GASK1A: variants seen among roughly 807,000 people sequenced by gnomAD.
GASK1A encodes the protein golgi associated kinase 1A, also known as Golgi-associated kinase 1A.
A neutral mutation model predicts 41.2 loss-of-function variants in GASK1A; 40 were observed. The observed-to-expected ratio is 0.97, with a 90% CI of 0.75 to 1.27. The LOEUF (loss-of-function observed/expected upper bound fraction) is 1.27, where lower values mean the gene tolerates loss of function less well. Ranked by LOEUF, GASK1A falls within the 50% of genes most tolerant of loss-of-function variation. The probability of loss-of-function intolerance (pLI) is 0.00; values close to 1 mark genes in which losing one functional copy is unlikely to be tolerated. For missense variants in GASK1A, 678 were observed against 745.1 expected (o/e 0.91, Z 1.05); for synonymous variants, 316 against 307.1 (o/e 1.03, Z -0.30).
intron 2 of GASK1A, among the ~76,000 whole-genome samples, chr3:43,044,357 T>TG (rs1302171955): frequency 6.6e-6 from 1 of 152,186 alleles, no homozygotes; most frequent in Non-Finnish European, 1.5e-5. Flanking sequence ...TGTCAGACTC[T>TG]GGTTCTCAGG....
Position 43,037,985 on chromosome 3 carries a change from TA to T in GASK1A, c.1290+4440del, listed in dbSNP as rs35232151. Among the ~76,000 whole-genome samples the T allele has an allele frequency of 3.3e-5, 5 of 152,148 alleles. No homozygotes were observed. In the South Asian group the frequency reaches 6.2e-4, roughly 19 times the overall value. On this transcript the variant is annotated intron_variant, in intron 2 of 4. Coordinates refer to ENST00000430121, the MANE Select transcript of GASK1A (RefSeq NM_001129908.3). Reference sequence around the variant, plus strand: ...CACTGTTGATGTGGTTCTTTTGTGTTAAAAAAAAGTGCAACTATCAAAACTA... The same window carrying T: ...CACTGTTGATGTGGTTCTTTTGTGTTAAAAAAAGTGCAACTATCAAAACTA...
intron 2 of GASK1A, among the ~76,000 whole-genome samples, chr3:43,044,566 G>A (rs1294365399): frequency 6.6e-6 from 1 of 152,182 alleles, no homozygotes; most frequent in African/African-American, 2.4e-5. Context: ...GGCACAGCAA[G>A]ATTAGTAATT....
At chr3:42,991,366 A>G (rs780558020) in intron 1 of GASK1A, among the ~76,000 whole-genome samples, 3 of 152,156 alleles carry the variant, frequency 2.0e-5, no homozygotes, top group Non-Finnish European at 2.9e-5. Flanking sequence ...TCACGCAGAT[A>G]TACACACACA....
chr3:43,052,950 G>A (rs2089698113), intron 2 of GASK1A, among the ~76,000 whole-genome samples: 1 of 152,198 alleles, frequency 6.6e-6, no homozygotes, highest in Non-Finnish European at 1.5e-5. Context: ...AATGCTGTGG[G>A]TGTCATCTGT....
At position 43,053,644 on chromosome 3, in the gene GASK1A, G is replaced by A. The variant is rs1346376533; in HGVS notation, c.1413+1G>A. The stretch of plus-strand genomic sequence containing the variant: ...CGAGCTGCGGCTGGTCCACATCCTG[G>A]TACGTCTCCTCCACACCATCCCCTT... On this transcript the variant is annotated splice_donor_variant, in intron 3 of 4. Coordinates refer to ENST00000430121, the MANE Select transcript of GASK1A (RefSeq NM_001129908.3). LOFTEE classifies it high-confidence loss of function. 6 of 1,551,552 alleles carry A rather than the reference G, an allele frequency of 3.9e-6. No individual in the cohort carries two copies. The Admixed American group carries it at 1.2e-4, about 30-fold the overall frequency.
In GASK1A at chr3:43,033,415, T is replaced by C; in HGVS notation, c.1152T>C (p.Asp384=). 6.4e-7 allele frequency: 1 copy of C among 1,551,582 alleles called. No individual in the cohort carries two copies. Among genetic ancestry groups the C allele is most frequent in the Non-Finnish European group, 8.7e-7 (1 of 1,147,004 alleles). ...AGCACCTGAGCGACCCAGATGAGGA[T>C]CAGAACTCTCTGGCCTTGGGCTGGC... The part of the protein sequence containing the change: ...DVQHLSDPDE[D]QNSLALGWLQ... Residue 384 remains aspartate, a synonymous_variant, in exon 2 of 5, where the codon GAT becomes GAC. Transcript: ENST00000430121.
At chr3:42,996,534 G>C (rs760316199) in intron 1 of GASK1A, among the ~76,000 whole-genome samples, 5 of 152,178 alleles carry the variant, frequency 3.3e-5, no homozygotes, top group Non-Finnish European at 7.3e-5. Context: ...GGAGGTACTA[G>C]GTACTATTAT....
At chr3:43,002,373 GA>G (rs2089413899) in intron 1 of GASK1A, among the ~76,000 whole-genome samples, 1 of 152,182 alleles carries the variant, frequency 6.6e-6, no homozygotes, top group South Asian at 2.1e-4. Context: ...GCTGTATTCA[GA>G]ATCTGATCTC....
At chr3:43,037,117 C>T (rs2089608554) in intron 2 of GASK1A, 3 of 789,870 alleles carry the variant, frequency 3.8e-6, no homozygotes, top group Non-Finnish European at 6.2e-6. Flanking sequence ...AAAGTCAGTA[C>T]CTCAAACCAG....
chr3:43,000,466 G>T (rs2089403087), intron 1 of GASK1A, among the ~76,000 whole-genome samples: 1 of 152,198 alleles, frequency 6.6e-6, no homozygotes, highest in African/African-American at 2.4e-5. Flanking sequence ...CTCCAGGCTT[G>T]GCCCTTGATG....
At chr3:43,011,245 G>A (rs550036267) in intron 1 of GASK1A, among the ~76,000 whole-genome samples, 24 of 152,162 alleles carry the variant, frequency 1.6e-4, no homozygotes, top group African/African-American at 5.5e-4. Flanking sequence ...AGCTGGGTGT[G>A]GTGGCGTGCG....
At chr3:43,053,048 T>A (rs563717424) in intron 2 of GASK1A, among the ~76,000 whole-genome samples, 1 of 152,322 alleles carries the variant, frequency 6.6e-6, no homozygotes, top group East Asian at 1.9e-4. Context: ...CCTGGCTTGA[T>A]TCAGGCCTGC....
At chr3:43,034,112 A>G (rs2089593674) in intron 2 of GASK1A, among the ~76,000 whole-genome samples, 1 of 152,246 alleles carries the variant, frequency 6.6e-6, no homozygotes, top group Non-Finnish European at 1.5e-5. Context: ...ATTTATCAGC[A>G]TACCACTGTT....
chr3:43,004,995 A>G (rs965501163), intron 1 of GASK1A, among the ~76,000 whole-genome samples: 8 of 152,302 alleles, frequency 5.3e-5, no homozygotes, highest in Middle Eastern at 3.4e-3. Flanking sequence ...GGCCACCTGC[A>G]TTCCTTGGCT....
intron 1 of GASK1A, 132 bp downstream of exon 1, chr3:42,979,777 A>C: frequency 1.1e-6 from 1 of 922,712 alleles, no homozygotes; most frequent in Non-Finnish European, 1.4e-6. Flanking sequence ...TGTTCCCCGA[A>C]AGTTGCATGG....
In GASK1A at chr3:42,984,807, GAGCA is replaced by G. The variant is rs2125671912; in HGVS notation, c.3+5167_3+5170del. On this transcript the variant is annotated intron_variant, in intron 1 of 4. Transcript: ENST00000430121. The surrounding 1 kb of genome is among the most constrained non-coding windows in gnomAD (Gnocchi z 4.2). ...TGGCATGAATGGCATGCAGGGGAGT[GAGCA>G]AGCAGGTGGGGGTCTCCGTGACTTG... Among the ~76,000 whole-genome samples the G allele has an allele frequency of 6.6e-6, 1 of 152,328 alleles. No homozygotes were observed. The highest frequency in any genetic ancestry group is 6.5e-5 in the Admixed American group (1 of 15,304).
intron 4 of GASK1A, chr3:43,055,971 T>C: frequency 1.8e-6 from 1 of 570,520 alleles, no homozygotes; most frequent in East Asian, 2.9e-5. Flanking sequence ...CTGAAAGGTC[T>C]GTCCCCTGCC....
chr3:43,032,551 C>T lies in GASK1A; in HGVS notation c.288C>T (p.Gly96=), dbSNP rs1559404592. The change falls in exon 2 of 5, where the codon GGC becomes GGT. Residue 96 remains glycine, a synonymous_variant. Coordinates refer to ENST00000430121, the MANE Select transcript of GASK1A (RefSeq NM_001129908.3). ...TCTTGGTCTGTGCTGAGGAGCAAGG[C>T]CATAGAGCAAGAGTGGACAGAAGCA... ...NSILVCAEEQ[G]HRARVDRSRE... 4 of 1,549,308 alleles carry T rather than the reference C, an allele frequency of 2.6e-6. No individual in the cohort carries two copies. The South Asian group carries it at 4.8e-5, about 18-fold the overall frequency.
intron 1 of GASK1A, among the ~76,000 whole-genome samples, chr3:43,023,631 C>A (rs2089532489): frequency 6.6e-6 from 1 of 152,078 alleles, no homozygotes; most frequent in Admixed American, 6.6e-5. Context: ...CATGTAGTAC[C>A]TGTGTGTTTT....
Sources: allele counts gnomAD v4.1 joint callset (sites outside exome capture counted in the v4.1 genomes callset), GRCh38; gene constraint gnomAD v4.1.1; non-coding constraint Gnocchi (gnomAD v3.1); transcripts MANE v1.5; gene names NCBI Gene and HGNC (gene_info 2026-07-23, HGNC 2026-07-21).